The following ADRA1A variants were observed in gnomAD, a reference collection of about 807,000 sequenced individuals.
ADRA1A encodes the protein alpha-1A adrenergic receptor.
ADRA1A carries 31 observed loss-of-function variants against 29.6 expected under a neutral mutation model. The ratio of observed to expected loss-of-function variants is 1.05; its 90% CI spans 0.79 to 1.41. The LOEUF is 1.41. Ranked by LOEUF, ADRA1A falls within the 40% of genes most tolerant of loss-of-function variation. The probability of loss-of-function intolerance (pLI) is 0.00; values close to 1 mark genes in which losing one functional copy is unlikely to be tolerated. For missense variants in ADRA1A, 619 were observed against 601.1 expected (o/e 1.03, Z -0.31); for synonymous variants, 311 against 254.3 (o/e 1.22, Z -2.12).
At chr8:26,792,914 T>A (rs1563257002) in intron 2 of ADRA1A, among the ~76,000 whole-genome samples, 2 of 151,650 alleles carry the variant, frequency 1.3e-5, no homozygotes, top group Non-Finnish European at 2.9e-5. Flanking sequence ...ATTAAAGTGC[T>A]GTGTTAAAAA....
rs768799862 is a variant in ADRA1A, at chr8:26,806,375, A to G, written c.884-35709T>C. The stretch of plus-strand genomic sequence containing the variant: ...GTATAACAGATAGCAGGGTGCAAAA[A>G]GCCCTTTATCCTGTTAATAGTGGCC... On this transcript the variant is annotated intron_variant, in intron 2 of 2. Coordinates refer to ENST00000380573, the MANE Select transcript of ADRA1A (RefSeq NM_000680.4). The surrounding 1 kb of genome is among the most constrained non-coding windows in gnomAD (Gnocchi z 4.6). Among the ~76,000 whole-genome samples the G allele has an allele frequency of 3.3e-5, 5 of 152,000 alleles. No homozygotes were observed. The highest frequency in any genetic ancestry group is 7.4e-5 in the Non-Finnish European group (5 of 68,024).
chr8:26,755,617 G>A (rs1312922203), downstream of ADRA1A, among the ~76,000 whole-genome samples: 1 of 152,130 alleles, frequency 6.6e-6, no homozygotes, highest in Non-Finnish European at 1.5e-5. Context: ...CCACCCCATT[G>A]TGTCCTCCAG....
chr8:26,794,442 G>A (rs1388320175), intron 2 of ADRA1A, among the ~76,000 whole-genome samples: 1 of 152,082 alleles, frequency 6.6e-6, no homozygotes, highest in African/African-American at 2.4e-5. Context: ...GGGCCAGATA[G>A]TAAATATTTT....
At position 26,813,871 on chromosome 8, in the gene ADRA1A, G is replaced by A. The variant is rs189027124; in HGVS notation, c.884-43205C>T. ...GGCTCAAAAACCTGGACACAGTGAA[G>A]GATGATGTTGACAGCTAACATTTTT... On this transcript the variant is annotated intron_variant, in intron 2 of 2. Coordinates refer to ENST00000380573, the MANE Select transcript of ADRA1A (RefSeq NM_000680.4). 2.2e-4 allele frequency among the ~76,000 whole-genome samples: 33 copies of A among 152,256 alleles called. No homozygotes were observed. In the East Asian group the frequency reaches 2.7e-3, roughly 12 times the overall value.
intron 2 of ADRA1A, among the ~76,000 whole-genome samples, chr8:26,812,886 T>C (rs897722774): frequency 1.3e-5 from 2 of 152,024 alleles, no homozygotes; most frequent in African/African-American, 2.4e-5. Context: ...CAGGATGGTC[T>C]CGATCTCCTG....
intron 2 of ADRA1A, among the ~76,000 whole-genome samples, chr8:26,855,236 T>G (rs1812949628): frequency 6.8e-6 from 1 of 146,342 alleles, no homozygotes; most frequent in Non-Finnish European, 1.5e-5. Context: ...TGTGTGTGCA[T>G]GTGAGTGCAT....
intron 2 of ADRA1A, among the ~76,000 whole-genome samples, chr8:26,810,630 A>G (rs1809313265): frequency 6.6e-6 from 1 of 152,178 alleles, no homozygotes; most frequent in Admixed American, 6.5e-5. Context: ...TAGTGATTTG[A>G]TTGTAAAATA....
chr8:26,761,263 T>A (rs1036850948), downstream of ADRA1A, among the ~76,000 whole-genome samples: 13 of 152,352 alleles, frequency 8.5e-5, no homozygotes, highest in African/African-American at 3.1e-4. Context: ...GAAATTGGGA[T>A]GATCAGAAAT....
chr8:26,791,373 G>C (rs1406388396), intron 2 of ADRA1A, among the ~76,000 whole-genome samples: 1 of 152,088 alleles, frequency 6.6e-6, no homozygotes, highest in Non-Finnish European at 1.5e-5. Flanking sequence ...TAAGGTTTTT[G>C]ATCCGTATTG....
chr8:26,811,176 G>C (rs1415188405), intron 2 of ADRA1A, among the ~76,000 whole-genome samples: 1 of 151,580 alleles, frequency 6.6e-6, no homozygotes, highest in East Asian at 2.0e-4. Context: ...GGGTCTCACT[G>C]TCTAGCTTTC....
intron 2 of ADRA1A, among the ~76,000 whole-genome samples, chr8:26,856,278 G>C (rs1350573748): frequency 2.6e-5 from 4 of 152,244 alleles, no homozygotes; most frequent in African/African-American, 7.2e-5. Context: ...TAAATGGCAC[G>C]GTAGAAGGAT....
At chr8:26,807,128 C>A (rs568943844) in intron 2 of ADRA1A, among the ~76,000 whole-genome samples, 1 of 152,308 alleles carries the variant, frequency 6.6e-6, no homozygotes, top group African/African-American at 2.4e-5. Context: ...GTAACTATTA[C>A]CCTTCATAAG....
At position 26,865,963 on chromosome 8, in the gene ADRA1A, G is replaced by A. The variant is rs1219314933; in HGVS notation, c.-686-308C>T. 6.6e-6 allele frequency among the ~76,000 whole-genome samples: 1 copy of A among 152,200 alleles called. No individual in the cohort carries two copies. Among genetic ancestry groups the A allele is most frequent in the Non-Finnish European group, 1.5e-5 (1 of 68,022 alleles). ...CTCGAAGTCTGGATTTCGAGCGCAG[G>A]TACCACGAAATTAAAATCCTCGAAG... On this transcript the variant is annotated intron_variant, in intron 1 of 2. Coordinates refer to ENST00000380573, the MANE Select transcript of ADRA1A (RefSeq NM_000680.4). The surrounding 1 kb of genome is among the most constrained non-coding windows in gnomAD (Gnocchi z 7.6).
At chr8:26,861,404 C>T (rs1290552050) in intron 2 of ADRA1A, among the ~76,000 whole-genome samples, 3 of 148,710 alleles carry the variant, frequency 2.0e-5, no homozygotes, top group South Asian at 2.2e-4. Context: ...CGGGTTCAAG[C>T]GATTCTCCTG....
chr8:26,783,272 T>C (rs1288088538), intron 2 of ADRA1A, among the ~76,000 whole-genome samples: 7 of 152,140 alleles, frequency 4.6e-5, no homozygotes, highest in African/African-American at 1.2e-4. Context: ...AAGTAGGTAG[T>C]AGAGCATGGT....
intron 2 of ADRA1A, among the ~76,000 whole-genome samples, chr8:26,827,869 TCTTA>T (rs1171143829): frequency 6.6e-6 from 1 of 152,034 alleles, no homozygotes; most frequent in Non-Finnish European, 1.5e-5. Context: ...GACTCTGTCT[TCTTA>T]CTTGTTTTTA....
chr8:26,861,314 T>TGC (rs1813446213), intron 2 of ADRA1A, among the ~76,000 whole-genome samples: 2 of 149,376 alleles, frequency 1.3e-5, no homozygotes, highest in South Asian at 4.4e-4. Flanking sequence ...TTTTTTTTTT[T>TGC]TTTTTTTTTA....
intron 2 of ADRA1A, chr8:26,779,217 C>T: frequency 4.5e-6 from 3 of 672,370 alleles, no homozygotes; most frequent in Non-Finnish European, 8.1e-6. Flanking sequence ...ACCCAATTAA[C>T]AGTTCCTGCC....
Position 26,785,398 on chromosome 8 carries a change from G to T in ADRA1A, c.884-14732C>A, listed in dbSNP as rs112844954. ...TTAAGGCAACAAGAGCTGAGCTGAC[G>T]TCTGGACTACAAATACGCAAGGATG... is the stretch of plus-strand genomic sequence containing the variant. On this transcript the variant is annotated intron_variant, in intron 2 of 2. Coordinates refer to ENST00000380573, the MANE Select transcript of ADRA1A (RefSeq NM_000680.4). 2.6e-3 allele frequency among the ~76,000 whole-genome samples: 400 copies of T among 152,240 alleles called. 1 individual carries two copies. Among genetic ancestry groups the T allele is most frequent in the African/African-American group, 8.5e-3 (352 of 41,540 alleles).
Sources: allele counts gnomAD v4.1 joint callset (sites outside exome capture counted in the v4.1 genomes callset), GRCh38; gene constraint gnomAD v4.1.1; non-coding constraint Gnocchi (gnomAD v3.1); transcripts MANE v1.5; gene names NCBI Gene and HGNC (gene_info 2026-07-23, HGNC 2026-07-21).